CLNK: variants seen among roughly 807,000 people sequenced by gnomAD.
The protein encoded by CLNK is cytokine-dependent hematopoietic cell linker.
CLNK carries 74 observed loss-of-function variants against 68.6 expected under a neutral mutation model. That is an observed-to-expected ratio of 1.08 (90% CI 0.89 to 1.31). The LOEUF is 1.31. Ranked by LOEUF, CLNK falls within the 50% of genes most tolerant of loss-of-function variation. The pLI is 0.00. For missense variants in CLNK, 553 were observed against 515.3 expected (o/e 1.07, Z -0.71); for synonymous variants, 198 against 172.2 (o/e 1.15, Z -1.17).
chr4:10,617,283 G>A (rs561356226), intron 2 of CLNK, among the ~76,000 whole-genome samples: 1 of 152,094 alleles, frequency 6.6e-6, no homozygotes, highest in Admixed American at 6.5e-5. Flanking sequence ...TGTTCTCTAA[G>A]TTCAACTCTC....
chr4:10,532,526 C>T (rs765052696), intron 11 of CLNK, among the ~76,000 whole-genome samples: 4 of 152,150 alleles, frequency 2.6e-5, no homozygotes, highest in African/African-American at 7.2e-5. Context: ...CATGAATAAA[C>T]GTGCATCTTA....
chr4:10,714,292 T>C, the CLNK span, among the ~76,000 whole-genome samples: 2 of 152,196 alleles, frequency 1.3e-5, no homozygotes, highest in African/African-American at 4.8e-5. Context: ...GAATATTTCG[T>C]GTTACTTAAG....
chr4:10,566,033 G>T lies in CLNK; in HGVS notation c.268C>A (p.Pro90Thr). ...WQSIKILPAR[P>T]IKESEYADTH... is the part of the protein sequence containing the mutation. The stretch of plus-strand genomic sequence containing the variant: ...CCTGCATATTCAGATTCCTTTATAG[G>T]CCGGGCTGGTAAAATTTTAATCGAC... Residue 90 changes from proline (P) to threonine (T), a missense_variant, in exon 6 of 19, where the codon CCT becomes ACT. Coordinates refer to ENST00000226951, the MANE Select transcript of CLNK (RefSeq NM_052964.4). 6.2e-7 allele frequency: 1 copy of T among 1,613,760 alleles called. No homozygotes were observed. Among genetic ancestry groups the T allele is most frequent in the Non-Finnish European group, 8.5e-7 (1 of 1,179,800 alleles).
chr4:10,562,777 C>T (rs1298544707), intron 7 of CLNK, among the ~76,000 whole-genome samples: 1 of 152,030 alleles, frequency 6.6e-6, no homozygotes, highest in South Asian at 2.1e-4. Context: ...TTTCCTTGAC[C>T]TTCCTTGTCC....
chr4:10,667,616 G>A (rs890559717), intron 2 of CLNK, among the ~76,000 whole-genome samples: 47 of 152,000 alleles, frequency 3.1e-4, no homozygotes, highest in African/African-American at 1.0e-3. Flanking sequence ...CGGATATCTT[G>A]TCCCTGCCCA....
chr4:10,662,606 C>G (rs1453429896), intron 2 of CLNK, among the ~76,000 whole-genome samples: 3 of 152,004 alleles, frequency 2.0e-5, no homozygotes, highest in South Asian at 4.1e-4. Context: ...AGTCATAGCT[C>G]AAAACACCAT....
rs535057420 is a variant in CLNK at position 10,630,609 on chromosome 4, T to C, written c.12-32560A>G. Among the ~76,000 whole-genome samples the C allele has an allele frequency of 7.0e-4, 106 of 152,358 alleles. 1 individual carries two copies. The highest frequency in any genetic ancestry group is 6.2e-3 in the South Asian group (30 of 4,824). On this transcript the variant is annotated intron_variant, in intron 2 of 18. Coordinates refer to ENST00000226951, the MANE Select transcript of CLNK (RefSeq NM_052964.4). ...ACTATAGAGGGAGAGGGAAGGCTTA[T>C]ATACCTTTCCCCAAGTCCACTTCAT... is the stretch of plus-strand genomic sequence containing the variant.
the CLNK span, among the ~76,000 whole-genome samples, chr4:10,703,603 G>C: frequency 6.6e-6 from 1 of 152,074 alleles, no homozygotes; most frequent in Non-Finnish European, 1.5e-5. Context: ...ACTTAATAAG[G>C]GGGATATATT....
At chr4:10,610,921 C>T (rs745665468) in intron 2 of CLNK, among the ~76,000 whole-genome samples, 57 of 152,148 alleles carry the variant, frequency 3.7e-4, no homozygotes, top group Non-Finnish European at 3.4e-4. Flanking sequence ...TGGTGGTTCA[C>T]GTCTGTAATC....
At chr4:10,648,587 G>A (rs1723604346) in intron 2 of CLNK, among the ~76,000 whole-genome samples, 1 of 152,184 alleles carries the variant, frequency 6.6e-6, no homozygotes, top group Non-Finnish European at 1.5e-5. Context: ...AAAGATGGTG[G>A]AGAAAATTGG....
chr4:10,545,691 G>T (rs150998675), intron 8 of CLNK, among the ~76,000 whole-genome samples: 20 of 152,286 alleles, frequency 1.3e-4, no homozygotes, highest in African/African-American at 4.3e-4. Flanking sequence ...TATAGCTTTA[G>T]TGGGGGCTTT....
chr4:10,717,292 AG>A, the CLNK span, among the ~76,000 whole-genome samples: 20 of 152,274 alleles, frequency 1.3e-4, no homozygotes, highest in African/African-American at 4.8e-4. Flanking sequence ...GTAGTATCAG[AG>A]GGGGTGGAGT....
At chr4:10,640,256 C>A (rs1723259988) in intron 2 of CLNK, among the ~76,000 whole-genome samples, 1 of 152,176 alleles carries the variant, frequency 6.6e-6, no homozygotes, top group African/African-American at 2.4e-5. Context: ...CCTCAGCCTC[C>A]TCAGTTCAAG....
At chr4:10,608,685 A>T (rs1721879364) in intron 2 of CLNK, among the ~76,000 whole-genome samples, 1 of 152,228 alleles carries the variant, frequency 6.6e-6, no homozygotes, top group Admixed American at 6.5e-5. Context: ...CCCTCATGTT[A>T]TTCTGAAGTC....
intron 14 of CLNK, among the ~76,000 whole-genome samples, 184 bp from the exon 15 acceptor site, chr4:10,521,015 T>C (rs1718037939): frequency 6.6e-6 from 1 of 152,228 alleles, no homozygotes; most frequent in African/African-American, 2.4e-5. Flanking sequence ...TATCCTCCTT[T>C]CTCAAGCTGG....
chr4:10,679,254 A>G (rs1398566869), intron 1 of CLNK, among the ~76,000 whole-genome samples: 2 of 152,226 alleles, frequency 1.3e-5, no homozygotes, highest in Non-Finnish European at 2.9e-5. Context: ...TGACAAAAAC[A>G]AGAAATGGGG....
chr4:10,652,484 A>C (rs184609454), intron 2 of CLNK, among the ~76,000 whole-genome samples: 1 of 152,150 alleles, frequency 6.6e-6, no homozygotes, highest in East Asian at 1.9e-4. Flanking sequence ...GTAAGAATAG[A>C]AAAGTGTCAA....
At chr4:10,590,020 C>T (rs1721127889) in intron 3 of CLNK, among the ~76,000 whole-genome samples, 2 of 152,190 alleles carry the variant, frequency 1.3e-5, no homozygotes, top group African/African-American at 2.4e-5. Flanking sequence ...CTCTGCTCCC[C>T]TCCACATTTG....
At chr4:10,632,981 A>C (rs890131392) in intron 2 of CLNK, among the ~76,000 whole-genome samples, 1 of 152,218 alleles carries the variant, frequency 6.6e-6, no homozygotes, top group Non-Finnish European at 1.5e-5. Flanking sequence ...CCTGTCAACC[A>C]GGCCAGAGTG....
Sources: allele counts gnomAD v4.1 joint callset (sites outside exome capture counted in the v4.1 genomes callset), GRCh38; gene constraint gnomAD v4.1.1; transcripts MANE v1.5; gene names NCBI Gene and HGNC (gene_info 2026-07-23, HGNC 2026-07-21).